Variants in MTMR10 observed in about 807,000 individuals in gnomAD.
The protein encoded by MTMR10 is myotubularin related protein 10.
In MTMR10, 56 loss-of-function variants were observed where a neutral mutation model predicts 88.1. The observed-to-expected ratio is 0.64, with a 90% CI of 0.51 to 0.79. MTMR10 has a LOEUF of 0.79. Among genes scored for constraint, MTMR10 ranks in the 30% least tolerant of loss-of-function variants. The pLI is 0.00. For synonymous variants in MTMR10, 380 were observed against 340.9 expected (o/e 1.11, Z -1.26); for missense variants, 883 against 924.7 (o/e 0.95, Z 0.58).
At chr15:30,933,182 T>C in the MTMR10 span, among the ~76,000 whole-genome samples, 1 of 152,186 alleles carries the variant, frequency 6.6e-6, no homozygotes, top group East Asian at 1.9e-4. Context: ...TTGGTTTCAT[T>C]TGTTTTTTTA....
intron 5 of MTMR10, among the ~76,000 whole-genome samples, chr15:30,971,662 A>G (rs577728142): frequency 1.3e-5 from 2 of 152,032 alleles, no homozygotes; most frequent in South Asian, 4.2e-4. Flanking sequence ...GTGTATCTAT[A>G]TATTTATCTT....
chr15:30,965,988 G>A (rs1196607472), intron 6 of MTMR10: 4 of 454,676 alleles, frequency 8.8e-6, no homozygotes, highest in African/African-American at 8.0e-5. Flanking sequence ...TCTGACTGCA[G>A]TGTGTGGAAA....
rs971999304 is a variant in MTMR10 at position 30,951,904 on chromosome 15, C to T, written c.1207+64G>A. 14 of 1,345,754 alleles carry T rather than the reference C, an allele frequency of 1.0e-5. No individual in the cohort carries two copies. The Admixed American group carries it at 1.2e-4, about 12-fold the overall frequency. The allele number at this position is 1,345,754 out of a possible 1,614,324, so 83.4% of individuals were successfully genotyped here. A position where few individuals can be genotyped will look rare whatever the true frequency, so the allele number is the denominator to read the frequency against. ...CTGATGTGATTTACTTGAATGGGGA[C>T]AAGCAGTAAACCAAGGCTGGCTGGT... is the stretch of plus-strand genomic sequence containing the variant. On this transcript the variant is annotated intron_variant, in intron 12 of 15. Coordinates refer to ENST00000435680, the MANE Select transcript of MTMR10 (RefSeq NM_017762.3).
intron 2 of MTMR10, among the ~76,000 whole-genome samples, chr15:30,987,916 CG>C (rs1211308284): frequency 6.6e-6 from 1 of 151,516 alleles, no homozygotes; most frequent in Non-Finnish European, 1.5e-5. Flanking sequence ...GTTCCCCTCC[CG>C]GTGTCCATGT....
chr15:30,987,110 T>G (rs948452109), intron 2 of MTMR10, among the ~76,000 whole-genome samples: 1 of 152,238 alleles, frequency 6.6e-6, no homozygotes, highest in African/African-American at 2.4e-5. Flanking sequence ...ACACAAAAGC[T>G]GACTACTTTG....
chr15:30,964,268 A>T (rs531397766), intron 6 of MTMR10, among the ~76,000 whole-genome samples: 1 of 152,372 alleles, frequency 6.6e-6, no homozygotes, highest in East Asian at 1.9e-4. Flanking sequence ...TTGGTGACTG[A>T]GTCCAGCAGC....
downstream of MTMR10, among the ~76,000 whole-genome samples, chr15:30,934,706 A>T (rs951681706): frequency 6.6e-6 from 1 of 152,156 alleles, no homozygotes; most frequent in Non-Finnish European, 1.5e-5. Context: ...ATTGCATTTG[A>T]TAGCTTTGCT....
At chr15:30,985,585 T>C (rs35607976) in intron 2 of MTMR10, among the ~76,000 whole-genome samples, 29,874 of 152,228 alleles carry the variant, frequency 0.2, 3,924 homozygotes, top group Non-Finnish European at 0.29. Flanking sequence ...ATCTGTCAAA[T>C]GGAGATAAAC....
At chr15:30,937,156 A>G (rs764478646), downstream of MTMR10, 1 of 1,614,052 alleles carries the variant, frequency 6.2e-7, no homozygotes, top group Admixed American at 1.7e-5. Flanking sequence ...CGTCTTTCAC[A>G]TAAGCAGATG....
At chr15:30,923,692 G>A in the MTMR10 span, among the ~76,000 whole-genome samples, 13 of 152,218 alleles carry the variant, frequency 8.5e-5, no homozygotes, top group Admixed American at 2.0e-4. Context: ...GCCCGGCACC[G>A]TCTTCTGCCA....
intron 5 of MTMR10, among the ~76,000 whole-genome samples, chr15:30,969,107 T>C (rs2063506672): frequency 6.6e-6 from 1 of 152,102 alleles, no homozygotes; most frequent in Non-Finnish European, 1.5e-5. Context: ...TTAGTGGTGT[T>C]TGGAGTGGGT....
In MTMR10 at chr15:30,960,967, G is replaced by GT. The variant is rs762189373; in HGVS notation, c.671dup (p.Tyr224Ter). 1 of 1,606,816 alleles carries GT rather than the reference G, an allele frequency of 6.2e-7. No homozygotes were observed. The highest frequency in any genetic ancestry group is 8.5e-7 in the Non-Finnish European group (1 of 1,176,210). ...TCTTGATTTCTCTGTCCCAATCCGAGTAAGTTTCAAAGAGTGGAGTTTTCT... is the reference window on the plus strand; with the variant it reads ...TCTTGATTTCTCTGTCCCAATCCGAGTTAAGTTTCAAAGAGTGGAGTTTTCT... Reference protein sequence around the residue: ...SSQKTPLFETYSDWDREIKRT... With the variant: ...SSQKTPLFET The change falls in exon 7 of 16, where the codon TAC becomes TAAC. Residue 224 changes from tyrosine to a stop codon, truncating the protein, a stop_gained and frameshift_variant. Coordinates refer to ENST00000435680, the MANE Select transcript of MTMR10 (RefSeq NM_017762.3). LOFTEE classifies it high-confidence loss of function.
chr15:30,969,629 G>C (rs1172585478), intron 5 of MTMR10, among the ~76,000 whole-genome samples: 1 of 152,094 alleles, frequency 6.6e-6, no homozygotes, highest in Non-Finnish European at 1.5e-5. Context: ...AAAACTTAAG[G>C]ATTACCTTCT....
At chr15:30,975,507 T>G (rs938516783) in intron 3 of MTMR10, among the ~76,000 whole-genome samples, 1 of 152,218 alleles carries the variant, frequency 6.6e-6, no homozygotes, top group East Asian at 1.9e-4. Context: ...ATAGTGGTAC[T>G]GGATTTAAGC....
intron 6 of MTMR10, 41 bp from the exon 7 acceptor site, chr15:30,961,114 T>C (rs748500775): frequency 6.6e-7 from 1 of 1,513,770 alleles, no homozygotes; most frequent in South Asian, 1.3e-5. Context: ...ACAGTCACAT[T>C]TTCCCCAGCA....
intron 5 of MTMR10, among the ~76,000 whole-genome samples, chr15:30,972,885 T>C (rs920393936): frequency 6.6e-5 from 10 of 152,170 alleles, no homozygotes; most frequent in East Asian, 1.9e-4. Flanking sequence ...AGAGGGAGAA[T>C]TGAACTTTCC....
intron 2 of MTMR10, among the ~76,000 whole-genome samples, chr15:30,980,123 G>A (rs372904026): frequency 2.6e-5 from 4 of 152,332 alleles, no homozygotes; most frequent in African/African-American, 9.6e-5. Flanking sequence ...AGACACAACT[G>A]GGCATGTCCC....
intron 6 of MTMR10, 83 bp downstream of exon 6, chr15:30,967,837 T>G: frequency 2.7e-6 from 3 of 1,117,794 alleles, no homozygotes; most frequent in East Asian, 2.6e-5. Flanking sequence ...TTAAAGCTCA[T>G]GTACTTGGAG....
the MTMR10 span, among the ~76,000 whole-genome samples, chr15:30,932,549 T>TG: frequency 6.6e-6 from 1 of 152,062 alleles, no homozygotes; most frequent in Non-Finnish European, 1.5e-5. Flanking sequence ...CTGGAGATTT[T>TG]GGGGGGAGGA....
Sources: allele counts gnomAD v4.1 joint callset (sites outside exome capture counted in the v4.1 genomes callset), GRCh38; gene constraint gnomAD v4.1.1; transcripts MANE v1.5; gene names NCBI Gene and HGNC (gene_info 2026-07-23, HGNC 2026-07-21).